PTPRM: variants seen among roughly 807,000 people sequenced by gnomAD.
PTPRM encodes the protein receptor-type tyrosine-protein phosphatase mu.
A neutral mutation model predicts 186.7 loss-of-function variants in PTPRM; 47 were observed. The ratio of observed to expected loss-of-function variants is 0.25; its 90% confidence interval spans 0.20 to 0.32. The LOEUF is 0.32. Among genes scored for constraint, PTPRM ranks in the 10% least tolerant of loss-of-function variants. PTPRM has a pLI of 1.00. For missense variants in PTPRM, 1,494 were observed against 1,865.0 expected (o/e 0.80, Z 3.66); for synonymous variants, 668 against 674.9 (o/e 0.99, Z 0.16).
intron 1 of PTPRM, among the ~76,000 whole-genome samples, chr18:7,748,639 T>C (rs1038036007): frequency 6.6e-6 from 1 of 152,234 alleles, no homozygotes; most frequent in African/African-American, 2.4e-5. Flanking sequence ...CCACTGACAT[T>C]TGAGTTTTCC....
rs1347969648 is a variant in PTPRM at position 7,708,752 on chromosome 18, A to G, written c.74-65397A>G. Among the ~76,000 whole-genome samples, 6 of 152,110 alleles carry G rather than the reference A, an allele frequency of 3.9e-5. No homozygotes were observed. In the East Asian group the frequency reaches 1.2e-3, roughly 29 times the overall value. The stretch of plus-strand genomic sequence containing the variant: ...TTCATTTTTTTTATTTCTTTAGTCC[A>G]CTTATCAGATGAGCAAATATGAATA... On this transcript the variant is annotated intron_variant, in intron 1 of 32. Coordinates refer to ENST00000580170, the MANE Select transcript of PTPRM (RefSeq NM_001105244.2).
intron 23 of PTPRM, among the ~76,000 whole-genome samples, chr18:8,346,293 A>G (rs2095504658): frequency 6.6e-6 from 1 of 152,232 alleles, no homozygotes; most frequent in African/African-American, 2.4e-5. Context: ...GACATGTACT[A>G]TCTTCCTGTT....
intron 21 of PTPRM, among the ~76,000 whole-genome samples, chr18:8,318,178 G>C (rs2095322599): frequency 6.7e-6 from 1 of 149,886 alleles, no homozygotes; most frequent in Admixed American, 6.6e-5. Context: ...TTGGGGGACA[G>C]AAATAGAAAA....
chr18:7,614,436 A>G (rs2143891107), intron 1 of PTPRM, among the ~76,000 whole-genome samples: 1 of 152,324 alleles, frequency 6.6e-6, no homozygotes, highest in Non-Finnish European at 1.5e-5. Flanking sequence ...AATATTAAGG[A>G]ACCTAGGAAT....
At chr18:8,038,653 A>G (rs2086497151) in intron 7 of PTPRM, among the ~76,000 whole-genome samples, 1 of 152,166 alleles carries the variant, frequency 6.6e-6, no homozygotes, top group African/African-American at 2.4e-5. Context: ...CGGACTTTCA[A>G]AGTGCTGGGA....
intron 5 of PTPRM, among the ~76,000 whole-genome samples, chr18:7,934,200 C>T (rs184684152): frequency 6.6e-6 from 1 of 152,276 alleles, no homozygotes; most frequent in African/African-American, 2.4e-5. Flanking sequence ...CTACGCCATC[C>T]ACCTTTTGTA....
At chr18:8,189,240 C>A in intron 14 of PTPRM, among the ~76,000 whole-genome samples, 1 of 145,820 alleles carries the variant, frequency 6.9e-6, no homozygotes, top group East Asian at 2.1e-4. Context: ...TTCAGTGAGC[C>A]ATGCTGGCAC....
At chr18:8,084,250 A>G (rs915412369) in intron 9 of PTPRM, among the ~76,000 whole-genome samples, 1 of 152,160 alleles carries the variant, frequency 6.6e-6, no homozygotes, top group Non-Finnish European at 1.5e-5. Context: ...ATTGGAAGCA[A>G]TTATGCATTC....
At chr18:7,618,275 A>C (rs2037854706) in intron 1 of PTPRM, among the ~76,000 whole-genome samples, 1 of 152,170 alleles carries the variant, frequency 6.6e-6, no homozygotes. Flanking sequence ...TCCTGAGTTA[A>C]TGGCTTAGAA....
chr18:7,688,165 G>A (rs956415204), intron 1 of PTPRM, among the ~76,000 whole-genome samples: 2 of 152,126 alleles, frequency 1.3e-5, no homozygotes, highest in African/African-American at 2.4e-5. Context: ...ACACTCTCAC[G>A]TATCTGCTAG....
chr18:7,945,628 C>T (rs945830708), intron 5 of PTPRM, among the ~76,000 whole-genome samples: 2 of 152,140 alleles, frequency 1.3e-5, no homozygotes, highest in African/African-American at 4.8e-5. Flanking sequence ...CAGACTAAGA[C>T]ATCCAGTCAG....
intron 17 of PTPRM, among the ~76,000 whole-genome samples, chr18:8,249,960 T>C (rs1187989568): frequency 6.9e-6 from 1 of 145,908 alleles, no homozygotes; most frequent in Admixed American, 6.7e-5. Flanking sequence ...AATGTGAATC[T>C]ATGTATTGAG....
At chr18:7,882,000 C>T (rs2048532465) in intron 2 of PTPRM, among the ~76,000 whole-genome samples, 1 of 152,042 alleles carries the variant, frequency 6.6e-6, no homozygotes, top group Non-Finnish European at 1.5e-5. Flanking sequence ...TCCTCATCTG[C>T]TGTTGAGGAA....
chr18:8,361,905 T>C (rs1349656723), intron 23 of PTPRM, among the ~76,000 whole-genome samples: 1 of 152,216 alleles, frequency 6.6e-6, no homozygotes, highest in Non-Finnish European at 1.5e-5. Context: ...AAAAATAAAA[T>C]GTTATCCTTC....
chr18:8,232,013 C>T (rs1034416628), intron 14 of PTPRM, among the ~76,000 whole-genome samples: 1 of 152,180 alleles, frequency 6.6e-6, no homozygotes, highest in Non-Finnish European at 1.5e-5. Flanking sequence ...AGGCATCCTT[C>T]ATTATAGTAT....
intron 2 of PTPRM, among the ~76,000 whole-genome samples, chr18:7,802,043 C>G (rs2043998620): frequency 6.6e-6 from 1 of 152,126 alleles, no homozygotes; most frequent in African/African-American, 2.4e-5. Flanking sequence ...TATCCTATGT[C>G]CTTCCTTCTC....
chr18:8,005,646 T>G (rs1004120833), intron 7 of PTPRM, among the ~76,000 whole-genome samples: 1 of 152,200 alleles, frequency 6.6e-6, no homozygotes, highest in Non-Finnish European at 1.5e-5. Flanking sequence ...TATTTTTCTT[T>G]GTGCAGTGGT....
intron 2 of PTPRM, among the ~76,000 whole-genome samples, chr18:7,842,018 G>C (rs2046351197): frequency 6.6e-6 from 1 of 151,956 alleles, no homozygotes; most frequent in African/African-American, 2.4e-5. Flanking sequence ...GAAGGAGTGT[G>C]ACTGTAGGTC....
chr18:7,679,560 G>A (rs1305877964), intron 1 of PTPRM, among the ~76,000 whole-genome samples: 4 of 152,164 alleles, frequency 2.6e-5, no homozygotes, highest in African/African-American at 9.7e-5. Flanking sequence ...AGCTATTCGG[G>A]AGGCCGAGGC....
Sources: gnomAD v4.1 joint callset for allele counts (sites outside exome capture counted in the v4.1 genomes callset) on GRCh38, gnomAD v4.1.1 for gene constraint, MANE v1.5 for transcripts, NCBI Gene and HGNC (gene_info 2026-07-23, HGNC 2026-07-21) for gene names.